POLE: variants seen among roughly 807,000 people sequenced by gnomAD.
POLE encodes DNA polymerase epsilon catalytic subunit A.
In POLE, 188 loss-of-function variants were observed where a neutral mutation model predicts 279.2. The ratio of observed to expected loss-of-function variants is 0.67; its 90% CI spans 0.60 to 0.76. POLE has a LOEUF of 0.76. Among genes scored for constraint, POLE ranks in the 30% least tolerant of loss-of-function variants. The probability of loss-of-function intolerance (pLI) is 0.00; values close to 1 mark genes in which losing one functional copy is unlikely to be tolerated. For synonymous variants in POLE, 1,214 were observed against 1,172.5 expected, an observed-to-expected ratio of 1.04 and a Z score of -0.72; for missense variants, 2,703 against 3,016.7, an observed-to-expected ratio of 0.90 and a Z score of 2.44.
Position 132,664,509 on chromosome 12 carries a change from CA to C in POLE, c.2469-48del, listed in dbSNP as rs768146772. ...GTGGGTGGGGCTGGCATGGCTCCTCCAGGGGGTATCAGAGGCAGTGAGGAGT... is the reference window on the plus strand; with the variant it reads ...GTGGGTGGGGCTGGCATGGCTCCTCCGGGGGTATCAGAGGCAGTGAGGAGT... On this transcript the variant is annotated intron_variant, in intron 21 of 48. Transcript: ENST00000320574. The surrounding 1 kb of genome is among the most constrained non-coding windows in gnomAD (Gnocchi z 5.3). The C allele has an allele frequency of 2.8e-6, 4 of 1,408,806 alleles. No homozygotes were observed. Among genetic ancestry groups the C allele is most frequent in the Non-Finnish European group, 4.0e-6 (4 of 995,874 alleles). The allele number at this position is 1,408,806 out of a possible 1,614,324, so 87.3% of individuals were successfully genotyped here.
rs530138063 is a variant in POLE, at chr12:132,645,661, T to C, written c.4150-1684A>G. On this transcript the variant is annotated intron_variant, in intron 32 of 48. Coordinates refer to ENST00000320574, the MANE Select transcript of POLE (RefSeq NM_006231.4). ...TTAAAAATACCCAAAGTCTCAAATA[T>C]GTAAAATGTCCAGGTTGCAATAAAG... Among the ~76,000 whole-genome samples, 5 of 152,246 alleles carry C rather than the reference T, an allele frequency of 3.3e-5. No individual in the cohort carries two copies. The South Asian group carries it at 8.3e-4, about 25-fold the overall frequency.
At chr12:132,626,779 A>G (rs1259595056) in intron 45 of POLE, among the ~76,000 whole-genome samples, 1 of 152,250 alleles carries the variant, frequency 6.6e-6, no homozygotes, top group African/African-American at 2.4e-5. Flanking sequence ...AAGTTATGGA[A>G]AAAGGTACAA....
chr12:132,631,257 G>A (rs1192857634), intron 45 of POLE, among the ~76,000 whole-genome samples: 3 of 152,112 alleles, frequency 2.0e-5, no homozygotes, highest in South Asian at 2.1e-4. Context: ...ATGCAGGGAC[G>A]GAAGACACAC....
chr12:132,657,288 G>A (rs1294924548), intron 28 of POLE, 30 bp from the exon 29 acceptor site: 2 of 1,614,022 alleles, frequency 1.2e-6, no homozygotes, highest in Admixed American at 1.7e-5. Flanking sequence ...ATCAGAGAGA[G>A]ACCCTTGTCT....
At chr12:132,627,957 G>A (rs1029171254) in intron 45 of POLE, among the ~76,000 whole-genome samples, 10 of 152,174 alleles carry the variant, frequency 6.6e-5, no homozygotes, top group Non-Finnish European at 1.3e-4. Context: ...AATTGGAGTC[G>A]GTCCTCTCAA....
At chr12:132,628,419 G>C (rs1171570803) in intron 45 of POLE, among the ~76,000 whole-genome samples, 3 of 152,112 alleles carry the variant, frequency 2.0e-5, no homozygotes, top group African/African-American at 7.2e-5. Context: ...AAGGCGGGTG[G>C]ATCACCTGAG....
chr12:132,668,562 C>A lies in POLE; in HGVS notation c.2027-60G>T. ...AGGCACAGACACACCGGCTTCCCAC[C>A]AAGTGGAGAAAGGCGGCCGACACTC... On this transcript the variant is annotated intron_variant, in intron 18 of 48. Transcript: ENST00000320574. This position sits in a 1 kb window ranked among gnomAD's most constrained non-coding sequence, Gnocchi z 4.0. The A allele has an allele frequency of 1.9e-6, 3 of 1,583,294 alleles. No individual in the cohort carries two copies. The highest frequency in any genetic ancestry group is 2.6e-6 in the Non-Finnish European group (3 of 1,159,260).
intron 29 of POLE, among the ~76,000 whole-genome samples, chr12:132,652,488 T>A (rs1340422509): frequency 6.6e-6 from 1 of 151,840 alleles, no homozygotes; most frequent in African/African-American, 2.4e-5. Context: ...TGCCTAATGT[T>A]GTGCCGGATT....
At chr12:132,687,128 A>C in intron 1 of POLE, 126 bp downstream of exon 1, 3 of 456,866 alleles carry the variant, frequency 6.6e-6, no homozygotes, top group Non-Finnish European at 9.8e-6. Flanking sequence ...TACCCCAGTC[A>C]GGCGCGGCGA....
chr12:132,672,649 T>G lies in POLE; in HGVS notation c.1664A>C (p.Asp555Ala). The G allele has an allele frequency of 6.2e-7, 1 of 1,614,084 alleles. No homozygotes were observed. The highest frequency in any genetic ancestry group is 1.1e-5 in the South Asian group (1 of 91,084). Residue 555 changes from aspartate to alanine, a missense_variant, in exon 15 of 49, where the codon GAT becomes GCT. Coordinates refer to ENST00000320574, the MANE Select transcript of POLE (RefSeq NM_006231.4). Reference sequence around the variant, plus strand: ...CACCATCCTAAACCGGCAAGGGATATCGCTGCGGAAAACCCCAGACTCGAG... The same window carrying G: ...CACCATCCTAAACCGGCAAGGGATAGCGCTGCGGAAAACCCCAGACTCGAG... ...EALESGVFRS[D>A]IPCRFRMNPA...
intron 45 of POLE, among the ~76,000 whole-genome samples, chr12:132,631,692 A>G (rs921291816): frequency 2.6e-5 from 4 of 152,136 alleles, no homozygotes; most frequent in Non-Finnish European, 5.9e-5. Context: ...GAAAGGCCTC[A>G]GCATCCGAGC....
Position 132,675,892 on chromosome 12 carries a change from A to G in POLE, c.1021-72T>C. 5 of 1,307,562 alleles carry G rather than the reference A, an allele frequency of 3.8e-6. No individual in the cohort carries two copies. The highest frequency in any genetic ancestry group is 3.5e-5 in the South Asian group (3 of 84,542). 81.0% of individuals were successfully genotyped at this position (1,307,562 alleles called of 1,614,324 possible). ...AAGCTATTCCAAATTCCTCTCCCAA[A>G]GTTCAGAAGCAGCAGCCTCATGTTG... On this transcript the variant is annotated intron_variant, in intron 10 of 48. Transcript: ENST00000320574. The surrounding 1 kb of genome is among the most constrained non-coding windows in gnomAD (Gnocchi z 4.3).
chr12:132,681,335 CTTT>C lies in POLE; in HGVS notation c.63-59_63-57del, dbSNP rs918405190. 3.7e-5 allele frequency: 58 copies of C among 1,552,358 alleles called. No homozygotes were observed. In the Admixed American group the frequency reaches 5.2e-4, roughly 14 times the overall value. On this transcript the variant is annotated intron_variant, in intron 1 of 48. Coordinates refer to ENST00000320574, the MANE Select transcript of POLE (RefSeq NM_006231.4). ...TTTGTAATGCCACCTGCTGCTGCTTCTTTTTTTCTTTTTTTTCTTTTTTTTTGA... is the reference window on the plus strand; with the variant it reads ...TTTGTAATGCCACCTGCTGCTGCTTCTTTTCTTTTTTTTCTTTTTTTTTGA...
intron 9 of POLE, 27 bp from the exon 10 acceptor site, chr12:132,676,231 C>T (rs1191241798): frequency 1.3e-6 from 2 of 1,501,180 alleles, no homozygotes; most frequent in African/African-American, 1.4e-5. Flanking sequence ...GCAATCAGCA[C>T]AAGTCAGAGG....
chr12:132,656,306 A>G (rs561870097), intron 29 of POLE, among the ~76,000 whole-genome samples: 1 of 151,922 alleles, frequency 6.6e-6, no homozygotes, highest in Non-Finnish European at 1.5e-5. Flanking sequence ...GAATACATAT[A>G]TAACTCTTAC....
chr12:132,671,658 G>A (rs1450662249), intron 16 of POLE, among the ~76,000 whole-genome samples: 2 of 126,750 alleles, frequency 1.6e-5, no homozygotes, highest in Admixed American at 9.5e-5. Flanking sequence ...CAACAACAGC[G>A]AGACTCCATC....
Position 132,642,647 on chromosome 12 carries a change from T to C in POLE, c.4811A>G (p.Glu1604Gly). The change falls in exon 37 of 49, where the codon GAG becomes GGG. Residue 1604 changes from glutamate to glycine, a missense_variant. By Grantham distance (98) the Glu-to-Gly change is moderately conservative (BLOSUM62 -2). This residue lies in a region of POLE where 1,551 missense variants were observed against 1,686.1 expected (regional missense o/e 0.92). Transcript: ENST00000320574. The stretch of plus-strand genomic sequence containing the variant: ...ACAGATAGGCACCAGTGGGAATTCC[T>C]CCAAGACAGGAATTTCACTGGCCAG... The part of the protein sequence containing the change: ...KRLASEIPVL[E>G]EFPLVPICVA... 1 of 1,613,230 alleles carries C rather than the reference T, an allele frequency of 6.2e-7. No homozygotes were observed. Among genetic ancestry groups the C allele is most frequent in the Non-Finnish European group, 8.5e-7 (1 of 1,180,006 alleles).
At chr12:132,636,441 G>GAAAAA (rs60289510) in intron 41 of POLE, among the ~76,000 whole-genome samples, 8 of 44,470 alleles carry the variant, frequency 1.8e-4, no homozygotes, top group African/African-American at 6.2e-4. Context: ...TCCATTTAAG[G>GAAAAA]AAAAAAAAAA....
In POLE at chr12:132,679,635, C is replaced by A. The variant is rs377573501; in HGVS notation, c.440G>T (p.Gly147Val). ...EDLDLPNHLV[G>V]LKRNYIRLSF... ...CAGCCTGATGTAATTTCGCTTCAAACCCACCAAGTGATTTGGCTATAATGC... is the reference window on the plus strand; with the variant it reads ...CAGCCTGATGTAATTTCGCTTCAAAACCACCAAGTGATTTGGCTATAATGC... The change falls in exon 6 of 49, where the codon GGT (glycine) becomes GTT (valine). Residue 147 changes from glycine (G) to valine (V), a missense_variant. Gly to Val is a moderately radical substitution (Grantham distance 109). Around this residue, in one of 5 missense-constraint regions of POLE, gnomAD observed 1,011 missense variants for 1,111.7 expected, o/e 0.91. Coordinates refer to ENST00000320574, the MANE Select transcript of POLE (RefSeq NM_006231.4). The A allele has an allele frequency of 6.2e-7, 1 of 1,610,906 alleles. No homozygotes were observed. The highest frequency in any genetic ancestry group is 1.1e-5 in the South Asian group (1 of 91,038).
Sources: gnomAD v4.1 joint callset for allele counts (sites outside exome capture counted in the v4.1 genomes callset) on GRCh38, gnomAD v4.1.1 for gene constraint, gnomAD v4.1.1 regional missense constraint, Gnocchi (gnomAD v3.1) non-coding constraint, MANE v1.5 for transcripts, NCBI Gene and HGNC (gene_info 2026-07-23, HGNC 2026-07-21) for gene names.